Variants in DMD observed in about 807,000 individuals in gnomAD.
DMD encodes the protein dystrophin.
In DMD, 63 loss-of-function variants were observed where a neutral mutation model predicts 330.1. That is an observed-to-expected ratio of 0.19 (90% CI 0.16 to 0.24). DMD has a LOEUF of 0.24. DMD is among the 10% of genes least tolerant of loss of function. The pLI is 1.00. For missense variants in DMD, 3,344 were observed against 2,684.1 expected (o/e 1.25, Z -5.43); for synonymous variants, 1,223 against 959.8 (o/e 1.27, Z -5.07).
intron 21 of DMD, among the ~76,000 whole-genome samples, chrX:32,472,618 A>C (rs2040777761): frequency 9.0e-6 from 1 of 111,073 alleles, no homozygotes; most frequent in Non-Finnish European, 1.9e-5. Flanking sequence ...AGAGAAGCTA[A>C]GTAAATTGCC....
chrX:31,659,043 A>G (rs1281573548), intron 53 of DMD, among the ~76,000 whole-genome samples: 3 of 112,199 alleles, frequency 2.7e-5, no homozygotes, highest in Non-Finnish European at 5.6e-5. Flanking sequence ...TTTAAAAAGA[A>G]AAAAGTTAAC....
chrX:32,914,280 G>A (rs867878169), intron 2 of DMD, among the ~76,000 whole-genome samples: 3 of 111,517 alleles, frequency 2.7e-5, no homozygotes, highest in Admixed American at 1.9e-4. Flanking sequence ...AATAGGTACA[G>A]ATTCAGAGTG....
intron 61 of DMD, among the ~76,000 whole-genome samples, chrX:31,347,035 A>AAAC (rs2058130301): frequency 1.6e-5 from 1 of 64,135 alleles, no homozygotes; most frequent in Non-Finnish European, 3.1e-5. Flanking sequence ...AAAAAAAAAA[A>AAAC]AGGAAGGATG....
chrX:32,098,635 G>C (rs2096524301), intron 44 of DMD, among the ~76,000 whole-genome samples: 4 of 111,698 alleles, frequency 3.6e-5, no homozygotes, highest in Non-Finnish European at 5.6e-5. Flanking sequence ...GCACATACTT[G>C]TTTCTTAATA....
At chrX:32,130,940 T>G (rs2146918286) in intron 44 of DMD, among the ~76,000 whole-genome samples, 1 of 112,129 alleles carries the variant, frequency 8.9e-6, no homozygotes, top group African/African-American at 3.2e-5. Flanking sequence ...ATCCCAGCAC[T>G]TTGGGAGGCC....
At chrX:32,080,436 A>G (rs781237379) in intron 44 of DMD, among the ~76,000 whole-genome samples, 1 of 112,656 alleles carries the variant, frequency 8.9e-6, no homozygotes, top group African/African-American at 3.2e-5. Context: ...AAATGGATGG[A>G]TTTTTAAATA....
At chrX:31,971,164 C>G (rs1351282045) in intron 44 of DMD, among the ~76,000 whole-genome samples, 2 of 112,059 alleles carry the variant, frequency 1.8e-5, no homozygotes, top group Non-Finnish European at 1.9e-5. Flanking sequence ...AGGAATACCT[C>G]TTTGAGTTGT....
intron 44 of DMD, among the ~76,000 whole-genome samples, chrX:32,136,132 C>T (rs955049690): frequency 1.8e-5 from 2 of 112,479 alleles, no homozygotes; most frequent in Non-Finnish European, 3.7e-5. Flanking sequence ...TTAAAAATAG[C>T]TAAAATCATA....
At chrX:31,209,210 G>C (rs1389231790) in intron 65 of DMD, among the ~76,000 whole-genome samples, 1 of 111,676 alleles carries the variant, frequency 9.0e-6, no homozygotes, top group Non-Finnish European at 1.9e-5. Context: ...ATCCATGGGC[G>C]AGAAAGGGAA....
At chrX:32,472,136 T>C (rs2040704161) in intron 22 of DMD, 28 bp downstream of exon 22, 3 of 1,206,174 alleles carry the variant, frequency 2.5e-6, no homozygotes, top group Non-Finnish European at 3.4e-6. Flanking sequence ...GCGTGCTTTA[T>C]TGTTTTGACA....
chrX:33,187,026 G>C (rs1431795701), intron 1 of DMD, among the ~76,000 whole-genome samples: 1 of 111,525 alleles, frequency 9.0e-6, no homozygotes, highest in African/African-American at 3.3e-5. Flanking sequence ...GTTTATGTTG[G>C]GGAAAACTCA....
intron 4 of DMD, among the ~76,000 whole-genome samples, chrX:32,827,129 C>A (rs1386919612): frequency 2.0e-5 from 2 of 98,637 alleles, no homozygotes. Flanking sequence ...TGGTTTTTTT[C>A]CAATAAAATT....
intron 1 of DMD, among the ~76,000 whole-genome samples, chrX:33,199,551 A>C (rs966420163): frequency 1.8e-5 from 2 of 111,636 alleles, no homozygotes; most frequent in African/African-American, 6.5e-5. Flanking sequence ...CCACCCAGGC[A>C]GTTGAAATCA....
chrX:32,698,368 C>A (rs1251314717), intron 8 of DMD, among the ~76,000 whole-genome samples: 2 of 111,515 alleles, frequency 1.8e-5, no homozygotes, highest in East Asian at 5.7e-4. Context: ...CAGGTCCATA[C>A]CCTGGAAAGG....
At chrX:32,706,735 A>G (rs998068946) in intron 7 of DMD, among the ~76,000 whole-genome samples, 2 of 111,951 alleles carry the variant, frequency 1.8e-5, no homozygotes, top group African/African-American at 6.5e-5. Context: ...CTACCAATAC[A>G]AATGGAACTT....
intron 60 of DMD, among the ~76,000 whole-genome samples, chrX:31,427,854 T>C (rs942476956): frequency 8.9e-6 from 1 of 111,884 alleles, no homozygotes; most frequent in African/African-American, 3.3e-5. Context: ...CAGACATCCA[T>C]TGCAGGGACA....
At chrX:32,170,269 G>A (rs2096882849) in intron 44 of DMD, among the ~76,000 whole-genome samples, 1 of 109,592 alleles carries the variant, frequency 9.1e-6, no homozygotes, top group Admixed American at 9.8e-5. Context: ...TCAGGAGTTC[G>A]AGACCAGCCT....
At chrX:31,454,050 C>A (rs2065973043) in intron 59 of DMD, among the ~76,000 whole-genome samples, 1 of 111,832 alleles carries the variant, frequency 8.9e-6, no homozygotes, top group Non-Finnish European at 1.9e-5. Context: ...TATTAACTTC[C>A]TTAAAAGTAA....
chrX:31,415,008 T>C (rs922196346), intron 60 of DMD, among the ~76,000 whole-genome samples: 1 of 112,577 alleles, frequency 8.9e-6, no homozygotes, highest in African/African-American at 3.2e-5. Context: ...AACACTTCTG[T>C]GCTACCATTT....
Sources: gnomAD v4.1 joint callset for allele counts (sites outside exome capture counted in the v4.1 genomes callset) on GRCh38, gnomAD v4.1.1 for gene constraint, MANE v1.5 for transcripts, NCBI Gene and HGNC (gene_info 2026-07-23, HGNC 2026-07-21) for gene names.